GRIK1: variants seen among roughly 807,000 people sequenced by gnomAD.
GRIK1 encodes the protein glutamate receptor ionotropic, kainate 1.
In GRIK1, 69 loss-of-function variants were observed where a neutral mutation model predicts 105.7. The observed-to-expected ratio is 0.65, with a 90% CI of 0.54 to 0.80. GRIK1 has a LOEUF of 0.80. GRIK1 is among the 30% of genes least tolerant of loss of function. The pLI is 0.00. For synonymous variants in GRIK1, 438 were observed against 431.3 expected (o/e 1.02, Z -0.19); for missense variants, 1,109 against 1,167.3 (o/e 0.95, Z 0.73).
At chr21:29,596,670 C>A in intron 8 of GRIK1, 100 bp from the exon 9 acceptor site, 1 of 831,550 alleles carries the variant, frequency 1.2e-6, no homozygotes, top group South Asian at 1.3e-5. Context: ...TAGAGTGTTA[C>A]AGTTCCCACC....
chr21:29,643,257 C>A (rs1358904752), intron 6 of GRIK1, among the ~76,000 whole-genome samples: 1 of 152,136 alleles, frequency 6.6e-6, no homozygotes, highest in Non-Finnish European at 1.5e-5. Context: ...AAATATTTTG[C>A]GAAGTGTCCT....
intron 1 of GRIK1, among the ~76,000 whole-genome samples, chr21:29,702,139 A>G (rs2063823699): frequency 6.6e-6 from 1 of 152,176 alleles, no homozygotes; most frequent in East Asian, 1.9e-4. Context: ...ATTGGGGCCT[A>G]TTGGAGGACA....
rs370254978 is a variant in GRIK1 at position 29,581,474 on chromosome 21, A to C, written c.1863T>G (p.Phe621Leu). The C allele has an allele frequency of 8.1e-6, 13 of 1,613,094 alleles. No individual in the cohort carries two copies. The highest frequency in any genetic ancestry group is 1.0e-5 in the Non-Finnish European group (12 of 1,179,334). The change falls in exon 13 of 18, where the codon TTT (phenylalanine) becomes TTG (leucine). Residue 621 changes from phenylalanine to leucine, a missense_variant. Phe to Leu is a conservative substitution (Grantham distance 22, BLOSUM62 0). Coordinates refer to ENST00000327783, the MANE Select transcript of GRIK1 (RefSeq NM_001330994.2). ...CAAACCAGAAACTATTTAGTAAAGT[A>C]AAATTGTTTTCCACCACGTCTGAGT... ...NPDSDVVENN[F>L]TLLNSFWFGV...
chr21:29,872,436 G>A (rs909955279), intron 1 of GRIK1, among the ~76,000 whole-genome samples: 4 of 151,788 alleles, frequency 2.6e-5, no homozygotes, highest in African/African-American at 7.3e-5. Flanking sequence ...CTTGTGATCC[G>A]CCCGCCTCTG....
chr21:29,844,062 T>C (rs1259945174), intron 1 of GRIK1, among the ~76,000 whole-genome samples: 1 of 152,230 alleles, frequency 6.6e-6, no homozygotes, highest in Non-Finnish European at 1.5e-5. Context: ...TTACGCCATT[T>C]GGAAAGGCAC....
chr21:29,938,522 A>G (rs1056834939), intron 1 of GRIK1, among the ~76,000 whole-genome samples: 3 of 152,202 alleles, frequency 2.0e-5, no homozygotes, highest in African/African-American at 7.2e-5. Flanking sequence ...GGTGGGTGCT[A>G]TACACTTATG....
intron 4 of GRIK1, among the ~76,000 whole-genome samples, chr21:29,672,661 T>C (rs935792623): frequency 2.0e-5 from 3 of 152,020 alleles, no homozygotes; most frequent in Admixed American, 6.6e-5. Flanking sequence ...TCAAGAGACA[T>C]AAGAGAGAGA....
chr21:29,588,543 C>T (rs1242020829), intron 11 of GRIK1, among the ~76,000 whole-genome samples: 1 of 152,202 alleles, frequency 6.6e-6, no homozygotes, highest in African/African-American at 2.4e-5. Context: ...TTTCCTGAGG[C>T]CTCTCCAGCC....
chr21:29,726,951 A>T (rs1011438471), intron 1 of GRIK1, among the ~76,000 whole-genome samples: 8 of 151,726 alleles, frequency 5.3e-5, no homozygotes, highest in Admixed American at 1.3e-4. Context: ...TTTTTCTGAG[A>T]CAGGGTCTCA....
chr21:29,663,101 T>C (rs975052417), intron 4 of GRIK1, among the ~76,000 whole-genome samples: 1 of 152,170 alleles, frequency 6.6e-6, no homozygotes, highest in Non-Finnish European at 1.5e-5. Flanking sequence ...TCCTAATTTA[T>C]AGATTTTAGA....
At chr21:29,629,493 C>CTT (rs200848968) in intron 7 of GRIK1, among the ~76,000 whole-genome samples, 28 of 147,634 alleles carry the variant, frequency 1.9e-4, no homozygotes, top group African/African-American at 3.3e-4. Flanking sequence ...AATTTTCTTT[C>CTT]TTTCTTTTTT....
At chr21:29,707,442 C>CCCTCCCTTCCTTCCTTCCTT (rs1555875891) in intron 1 of GRIK1, among the ~76,000 whole-genome samples, 1 of 3,304 alleles carries the variant, frequency 3.0e-4, no homozygotes, top group African/African-American at 5.3e-4. Flanking sequence ...CTCCCTCCCT[C>CCCTCCCTTCCTTCCTTCCTT]CCTCCCTCCC....
At chr21:29,886,097 G>T (rs2069616308) in intron 1 of GRIK1, among the ~76,000 whole-genome samples, 1 of 151,990 alleles carries the variant, frequency 6.6e-6, no homozygotes, top group Admixed American at 6.6e-5. Context: ...AATAAACAAG[G>T]CACTTTCCTC....
At chr21:29,683,553 T>C (rs922183990) in intron 3 of GRIK1, among the ~76,000 whole-genome samples, 1 of 152,174 alleles carries the variant, frequency 6.6e-6, no homozygotes, top group Non-Finnish European at 1.5e-5. Flanking sequence ...TGATCTTACT[T>C]ATAAGTGAAA....
chr21:29,898,793 T>C (rs893279201), intron 1 of GRIK1, among the ~76,000 whole-genome samples: 7 of 152,204 alleles, frequency 4.6e-5, no homozygotes, highest in African/African-American at 1.4e-4. Context: ...CAAAGGTATT[T>C]TGAGTACACA....
chr21:29,744,422 G>A (rs935454061), intron 1 of GRIK1, among the ~76,000 whole-genome samples: 1 of 152,160 alleles, frequency 6.6e-6, no homozygotes, highest in Non-Finnish European at 1.5e-5. Context: ...TGGAGTTGAC[G>A]CATGCATATG....
At chr21:29,729,886 A>T (rs1024113392) in intron 1 of GRIK1, among the ~76,000 whole-genome samples, 1 of 152,218 alleles carries the variant, frequency 6.6e-6, no homozygotes, top group African/African-American at 2.4e-5. Flanking sequence ...CTGTTTTTAC[A>T]TGCTCTGGAT....
At chr21:29,907,068 G>A (rs368743584) in intron 1 of GRIK1, among the ~76,000 whole-genome samples, 1 of 149,876 alleles carries the variant, frequency 6.7e-6, no homozygotes, top group Non-Finnish European at 1.5e-5. Context: ...TTTCTGCAAA[G>A]CACACAGCAT....
At chr21:29,629,462 G>T (rs571339037) in intron 7 of GRIK1, among the ~76,000 whole-genome samples, 1 of 151,862 alleles carries the variant, frequency 6.6e-6, no homozygotes, top group South Asian at 2.1e-4. Flanking sequence ...GAAATTGAAG[G>T]TGTTCACACC....
Sources: gnomAD v4.1 joint callset for allele counts (sites outside exome capture counted in the v4.1 genomes callset) on GRCh38, gnomAD v4.1.1 for gene constraint, MANE v1.5 for transcripts, NCBI Gene and HGNC (gene_info 2026-07-23, HGNC 2026-07-21) for gene names.